The following WWC2 variants were observed in gnomAD, a reference collection of about 807,000 sequenced individuals.
The protein encoded by WWC2 is protein WWC2.
In WWC2, 101 loss-of-function variants were observed where a neutral mutation model predicts 138.5. The ratio of observed to expected loss-of-function variants is 0.73; its 90% CI spans 0.62 to 0.86. The LOEUF is 0.86. Ranked by LOEUF, WWC2 falls within the 40% of genes least tolerant of loss-of-function variation. The pLI is 0.00. For missense variants in WWC2, 1,420 were observed against 1,419.4 expected (o/e 1.00, Z -0.01); for synonymous variants, 558 against 538.4 (o/e 1.04, Z -0.50).
chr4:183,204,638 A>G (rs928376595), intron 2 of WWC2, among the ~76,000 whole-genome samples: 2 of 152,240 alleles, frequency 1.3e-5, no homozygotes, highest in Non-Finnish European at 2.9e-5. Flanking sequence ...ATACAAATAC[A>G]TAAATTGCAT....
chr4:183,274,582 T>C (rs1049825227), intron 16 of WWC2, among the ~76,000 whole-genome samples: 3 of 152,184 alleles, frequency 2.0e-5, no homozygotes, highest in African/African-American at 7.2e-5. Context: ...CGACTTCTTT[T>C]GTTAAACTTA....
chr4:183,229,475 T>C lies in WWC2; in HGVS notation c.523-10708T>C, dbSNP rs796313857. The stretch of plus-strand genomic sequence containing the variant: ...AGTGAGTATCTCCTGACAAATAGAG[T>C]ATGGAAAGGAAAAACAGGTGATTTA... On this transcript the variant is annotated intron_variant, in intron 4 of 22. Coordinates refer to ENST00000403733, the MANE Select transcript of WWC2 (RefSeq NM_024949.6). Among the ~76,000 whole-genome samples, 33 of 151,576 alleles carry C rather than the reference T, an allele frequency of 2.2e-4. 2 individuals carry two copies. The highest frequency in any genetic ancestry group is 8.0e-4 in the African/African-American group (33 of 41,148).
intron 1 of WWC2, among the ~76,000 whole-genome samples, chr4:183,142,161 T>C (rs1437887703): frequency 6.6e-6 from 1 of 152,176 alleles, no homozygotes; most frequent in African/African-American, 2.4e-5. Flanking sequence ...AAATACCAAA[T>C]ACAGAGGCCC....
chr4:183,109,300 G>A (rs1732152911), intron 1 of WWC2, among the ~76,000 whole-genome samples: 1 of 152,110 alleles, frequency 6.6e-6, no homozygotes, highest in Non-Finnish European at 1.5e-5. Context: ...GTTTGCCATT[G>A]TCTTTAAAAA....
intron 4 of WWC2, among the ~76,000 whole-genome samples, chr4:183,225,021 A>G (rs1736032892): frequency 6.6e-6 from 1 of 152,110 alleles, no homozygotes; most frequent in African/African-American, 2.4e-5. Flanking sequence ...TGATCCTAGT[A>G]TTCTGAAAGT....
At chr4:183,169,166 A>G (rs932850307) in intron 1 of WWC2, among the ~76,000 whole-genome samples, 3 of 152,254 alleles carry the variant, frequency 2.0e-5, no homozygotes, top group South Asian at 2.1e-4. Context: ...TTATATGTGC[A>G]TATTTAAAAA....
intron 1 of WWC2, among the ~76,000 whole-genome samples, chr4:183,174,662 A>G (rs554081855): frequency 7.9e-5 from 12 of 152,338 alleles, no homozygotes; most frequent in African/African-American, 2.6e-4. Flanking sequence ...TTTTATTTTG[A>G]AAATTTTCAA....
intron 1 of WWC2, among the ~76,000 whole-genome samples, chr4:183,159,012 A>G (rs906720132): frequency 2.6e-5 from 4 of 152,110 alleles, no homozygotes; most frequent in Non-Finnish European, 5.9e-5. Flanking sequence ...TGTGTTTTGT[A>G]TATTATTCCT....
At chr4:183,247,705 ATATG>A (rs1736840635) in intron 6 of WWC2, among the ~76,000 whole-genome samples, 1 of 139,872 alleles carries the variant, frequency 7.1e-6, no homozygotes, top group Non-Finnish European at 1.5e-5. Context: ...TATATATACT[ATATG>A]TACTATATAT....
At chr4:183,132,862 T>G (rs1279436896) in intron 1 of WWC2, among the ~76,000 whole-genome samples, 1 of 152,166 alleles carries the variant, frequency 6.6e-6, no homozygotes, top group Non-Finnish European at 1.5e-5. Context: ...TTTACATTCT[T>G]GGAATTAACC....
Position 183,304,022 on chromosome 4 carries a change from G to A in WWC2, c.3385-8319G>A, listed in dbSNP as rs146368071. Among the ~76,000 whole-genome samples the A allele has an allele frequency of 8.5e-5, 13 of 152,160 alleles. No individual in the cohort carries two copies. The East Asian group carries it at 2.5e-3, about 29-fold the overall frequency. Reference sequence around the variant, plus strand: ...TTAAGCTGTAGCTACTAAGTAGAATGTTATGAAATCATTAAAAGCTACAGG... The same window carrying A: ...TTAAGCTGTAGCTACTAAGTAGAATATTATGAAATCATTAAAAGCTACAGG... On this transcript the variant is annotated intron_variant, in intron 21 of 22. Coordinates refer to ENST00000403733, the MANE Select transcript of WWC2 (RefSeq NM_024949.6).
chr4:183,182,447 AACACTCATACCTTCTTT>A, intron 1 of WWC2, among the ~76,000 whole-genome samples: 2 of 152,294 alleles, frequency 1.3e-5, no homozygotes, highest in Middle Eastern at 6.8e-3. Context: ...ACCTCTCTCA[AACACTCATACCTTCTTT>A]GCTGGCATAG....
chr4:183,181,238 G>T (rs776492353), intron 1 of WWC2, among the ~76,000 whole-genome samples: 1 of 152,028 alleles, frequency 6.6e-6, no homozygotes, highest in African/African-American at 2.4e-5. Flanking sequence ...TCCTCTCTCT[G>T]GTAAATTGCA....
At position 183,254,060 on chromosome 4, in the gene WWC2, C is replaced by G. The variant is rs1247833027; in HGVS notation, c.1196+61C>G. On this transcript the variant is annotated intron_variant, in intron 9 of 22. Transcript: ENST00000403733. ...CTTGTGGGGGTGTCTTAACTGGATA[C>G]TATTTTCCCTGGGTTTGGAAATCTC... is the stretch of plus-strand genomic sequence containing the variant. 5 of 1,560,812 alleles carry G rather than the reference C, an allele frequency of 3.2e-6. No homozygotes were observed. In the Admixed American group the frequency reaches 1.0e-4, roughly 32 times the overall value.
intron 1 of WWC2, among the ~76,000 whole-genome samples, chr4:183,180,277 G>A (rs1288858968): frequency 6.6e-6 from 1 of 152,164 alleles, no homozygotes; most frequent in Non-Finnish European, 1.5e-5. Context: ...ATAGGCATCT[G>A]CAACGCAGAT....
At chr4:183,214,901 A>G (rs1186307132) in intron 4 of WWC2, among the ~76,000 whole-genome samples, 1 of 152,218 alleles carries the variant, frequency 6.6e-6, no homozygotes, top group Admixed American at 6.5e-5. Flanking sequence ...TTACATTTCA[A>G]GTTCTTTCAG....
intron 1 of WWC2, among the ~76,000 whole-genome samples, chr4:183,101,162 T>TTGAAA (rs1743168987): frequency 6.6e-6 from 1 of 152,224 alleles, no homozygotes; most frequent in Non-Finnish European, 1.5e-5. Context: ...GAAATAACAA[T>TTGAAA]AAATTCTTGA....
At chr4:183,265,210 C>T in intron 12 of WWC2, 103 bp downstream of exon 12, 1 of 1,415,928 alleles carries the variant, frequency 7.1e-7, no homozygotes, top group South Asian at 1.8e-5. Context: ...CGCTCTTTGG[C>T]TTAGTAAGGA....
rs770219216 is a variant in WWC2, at chr4:183,261,224, C to T, written c.1601C>T (p.Pro534Leu). 4 of 1,612,790 alleles carry T rather than the reference C, an allele frequency of 2.5e-6. No homozygotes were observed. The highest frequency in any genetic ancestry group is 1.7e-6 in the Non-Finnish European group (2 of 1,179,506). The stretch of plus-strand genomic sequence containing the variant: ...GCAGCTGCAGCAACAGGCCACACTC[C>T]TCCACTGGCTGAGGCCCCGAAGTCT... ...GVAAAATGHT[P>L]PLAEAPKSVA... is the part of the protein sequence containing the mutation. Residue 534 changes from proline to leucine, a missense_variant, in exon 11 of 23, where the codon CCT becomes CTT. Pro to Leu is a moderately conservative substitution (Grantham distance 98, BLOSUM62 -3). Coordinates refer to ENST00000403733, the MANE Select transcript of WWC2 (RefSeq NM_024949.6).
Sources: gnomAD v4.1 joint callset for allele counts (sites outside exome capture counted in the v4.1 genomes callset) on GRCh38, gnomAD v4.1.1 for gene constraint, MANE v1.5 for transcripts, NCBI Gene and HGNC (gene_info 2026-07-23, HGNC 2026-07-21) for gene names.